The following DIS3L2 variants were observed in gnomAD, a reference collection of about 807,000 sequenced individuals.
The protein encoded by DIS3L2 is DIS3 like 3'-5' exoribonuclease 2.
In DIS3L2, 34 loss-of-function variants were observed where a neutral mutation model predicts 97.5. The ratio of observed to expected loss-of-function variants is 0.35; its 90% CI spans 0.27 to 0.46. DIS3L2 has a LOEUF of 0.46. Ranked by LOEUF, DIS3L2 falls within the 20% of genes least tolerant of loss-of-function variation. The pLI, the probability that DIS3L2 is intolerant of heterozygous loss-of-function variation, is 1.00. For missense variants in DIS3L2, 1,038 were observed against 1,146.0 expected (o/e 0.91, Z 1.36); for synonymous variants, 435 against 445.2 (o/e 0.98, Z 0.29).
At position 232,336,972 on chromosome 2, in the gene DIS3L2, G is replaced by A. The variant is rs1195313922; in HGVS notation, c.*342G>A. The A allele has an allele frequency of 1.0e-5, 12 of 1,149,074 alleles. No homozygotes were observed. The highest frequency in any genetic ancestry group is 1.7e-5 in the African/African-American group (1 of 60,438). The allele number at this position is 1,149,074 out of a possible 1,614,324, so 71.2% of individuals were successfully genotyped here. A position where few individuals can be genotyped will look rare whatever the true frequency, so the allele number is the denominator to read the frequency against. ...GTCACAGAATAAAATCAAGTGTGGA[G>A]TGCCATCTGGTGTGTAGGGCGCCTC... On this transcript the variant is annotated 3_prime_UTR_variant, in exon 21 of 21. Transcript: ENST00000325385.
At chr2:231,985,244 C>T (rs761996383) in intron 1 of DIS3L2, among the ~76,000 whole-genome samples, 1 of 152,172 alleles carries the variant, frequency 6.6e-6, no homozygotes, top group Non-Finnish European at 1.5e-5. Flanking sequence ...AGCCATTGCC[C>T]TCTCTCTCTG....
chr2:232,297,820 AG>A (rs1274218241), intron 13 of DIS3L2, among the ~76,000 whole-genome samples: 1 of 150,984 alleles, frequency 6.6e-6, no homozygotes, highest in African/African-American at 2.4e-5. Context: ...CTCGTGTCTC[AG>A]CCTCCTGAGT....
intron 5 of DIS3L2, among the ~76,000 whole-genome samples, chr2:232,064,396 C>A (rs1281720473): frequency 1.3e-5 from 2 of 152,138 alleles, no homozygotes; most frequent in Admixed American, 1.3e-4. Context: ...GACTAGTATT[C>A]CATTGTATAG....
intron 5 of DIS3L2, among the ~76,000 whole-genome samples, chr2:232,039,956 T>C (rs1695063639): frequency 6.6e-6 from 1 of 152,202 alleles, no homozygotes; most frequent in African/African-American, 2.4e-5. Flanking sequence ...TGCCCTGTGT[T>C]AGATTCTAGA....
chr2:232,104,438 T>A (rs1157940958), intron 6 of DIS3L2, among the ~76,000 whole-genome samples: 2 of 152,122 alleles, frequency 1.3e-5, no homozygotes, highest in Non-Finnish European at 2.9e-5. Flanking sequence ...TAAAAAAAAA[T>A]TTGCCATTTT....
chr2:232,335,083 C>G (rs1467863294), intron 19 of DIS3L2: 2 of 252,638 alleles, frequency 7.9e-6, no homozygotes, highest in African/African-American at 4.6e-5. Flanking sequence ...AACTGTGTCC[C>G]CTGAAGACAA....
chr2:232,234,818 A>G (rs923848057), intron 10 of DIS3L2, among the ~76,000 whole-genome samples: 6 of 152,194 alleles, frequency 3.9e-5, no homozygotes, highest in African/African-American at 1.2e-4. Context: ...CCCCACTCAC[A>G]GATGTCTAGT....
chr2:232,183,089 A>G (rs1691337094), intron 9 of DIS3L2, among the ~76,000 whole-genome samples: 1 of 152,232 alleles, frequency 6.6e-6, no homozygotes, highest in African/African-American at 2.4e-5. Context: ...GAAGCATGAG[A>G]AAGAAACCTC....
In DIS3L2 at chr2:232,210,363, C is replaced by T. The variant is rs766629924; in HGVS notation, c.1162C>T (p.Arg388Ter). Residue 388 changes from arginine (R) to a stop codon, truncating the protein, a stop_gained, in exon 10 of 21, where the codon CGA becomes TGA. Coordinates refer to ENST00000325385, the MANE Select transcript of DIS3L2 (RefSeq NM_152383.5). LOFTEE classifies it high-confidence loss of function. ...CTTCACCATTGACCCATCAACCGCC[C>T]GAGACCTCGATGATGCCCTCTCCTG... ...CIFTIDPSTA[R>*]DLDDALSCKP... The T allele has an allele frequency of 1.2e-6, 2 of 1,613,576 alleles. No individual in the cohort carries two copies. Among genetic ancestry groups the T allele is most frequent in the African/African-American group, 2.7e-5 (2 of 74,936 alleles).
chr2:231,997,646 G>A (rs1011570350), intron 1 of DIS3L2, among the ~76,000 whole-genome samples: 2 of 152,198 alleles, frequency 1.3e-5, no homozygotes, highest in Non-Finnish European at 2.9e-5. Flanking sequence ...TCTATAATTA[G>A]ACTTGGATTC....
chr2:231,963,197 C>G (rs975719940), intron 1 of DIS3L2, among the ~76,000 whole-genome samples: 1 of 152,202 alleles, frequency 6.6e-6, no homozygotes, highest in African/African-American at 2.4e-5. Flanking sequence ...TTCCCACCAA[C>G]AGTAGTTTAA....
chr2:232,278,577 A>C (rs1694205893), intron 13 of DIS3L2, among the ~76,000 whole-genome samples: 1 of 152,194 alleles, frequency 6.6e-6, no homozygotes. Context: ...GTAGCATTTT[A>C]AGTCTGGCCT....
intron 6 of DIS3L2, among the ~76,000 whole-genome samples, chr2:232,088,623 A>T (rs1359319009): frequency 6.6e-6 from 1 of 152,078 alleles, no homozygotes; most frequent in Non-Finnish European, 1.5e-5. Flanking sequence ...AAATTTTATA[A>T]ACAAATAGCC....
At chr2:231,980,564 G>T (rs953802158) in intron 1 of DIS3L2, among the ~76,000 whole-genome samples, 2 of 152,062 alleles carry the variant, frequency 1.3e-5, no homozygotes, top group Admixed American at 1.3e-4. Context: ...TGGGCGTGGT[G>T]GCATGCACCT....
chr2:232,338,635 C>A (rs1271989879), downstream of DIS3L2, among the ~76,000 whole-genome samples: 1 of 152,154 alleles, frequency 6.6e-6, no homozygotes, highest in Non-Finnish European at 1.5e-5. Context: ...GCCGCCACAC[C>A]CTACCCAGAG....
At chr2:232,329,789 T>TTGC in intron 14 of DIS3L2, 24 bp from the exon 15 acceptor site, 2 of 368,620 alleles carry the variant, frequency 5.4e-6, no homozygotes, top group Non-Finnish European at 5.1e-6. Flanking sequence ...CAGCGGTCCC[T>TTGC]CCCATCCCAC....
chr2:232,072,780 T>TGG (rs368243474), intron 5 of DIS3L2, among the ~76,000 whole-genome samples: 3,792 of 125,750 alleles, frequency 0.03, 62 homozygotes, highest in Middle Eastern at 0.043. Context: ...AGTTGGGATG[T>TGG]GGGGTGTGTG....
At chr2:232,194,612 C>T (rs906144749) in intron 9 of DIS3L2, among the ~76,000 whole-genome samples, 1 of 152,204 alleles carries the variant, frequency 6.6e-6, no homozygotes, top group Non-Finnish European at 1.5e-5. Context: ...TAAGAATTGA[C>T]TTTGTCCTAA....
At chr2:231,969,030 G>T (rs1252314241) in intron 1 of DIS3L2, among the ~76,000 whole-genome samples, 1 of 152,022 alleles carries the variant, frequency 6.6e-6, no homozygotes, top group Non-Finnish European at 1.5e-5. Context: ...GCCTGCCGCC[G>T]CCGTGTAAGA....
Sources: allele counts gnomAD v4.1 joint callset (sites outside exome capture counted in the v4.1 genomes callset), GRCh38; gene constraint gnomAD v4.1.1; transcripts MANE v1.5; gene names NCBI Gene and HGNC (gene_info 2026-07-23, HGNC 2026-07-21).